The following PDGFRL variants were observed in gnomAD, a reference collection of about 807,000 sequenced individuals.
PDGFRL encodes the protein platelet derived growth factor receptor like, also known as platelet-derived growth factor receptor-like protein.
A neutral mutation model predicts 37.2 loss-of-function variants in PDGFRL; 46 were observed. The ratio of observed to expected loss-of-function variants is 1.24; its 90% CI spans 0.98 to 1.58. The LOEUF (loss-of-function observed/expected upper bound fraction) is 1.58. PDGFRL is among the 40% of genes most tolerant of loss of function. PDGFRL has a pLI of 0.00. For synonymous variants in PDGFRL, 251 were observed against 184.3 expected (o/e 1.36, Z -2.93); for missense variants, 692 against 467.6 (o/e 1.48, Z -4.43).
At chr8:17,584,965 A>C (rs188650978) in intron 1 of PDGFRL, among the ~76,000 whole-genome samples, 1 of 152,162 alleles carries the variant, frequency 6.6e-6, no homozygotes, top group Admixed American at 6.5e-5. Context: ...TATATGCTAA[A>C]CAAGGGGTGG....
chr8:17,579,226 A>T (rs1211435934), intron 1 of PDGFRL, among the ~76,000 whole-genome samples: 1 of 151,964 alleles, frequency 6.6e-6, no homozygotes, highest in Non-Finnish European at 1.5e-5. Context: ...AAAAGCACAC[A>T]TATCTATAAT....
chr8:17,641,896 T>TCCCCGCTCCCC (rs1554556546), intron 5 of PDGFRL, among the ~76,000 whole-genome samples: 1 of 103,888 alleles, frequency 9.6e-6, no homozygotes, highest in Non-Finnish European at 1.8e-5. Flanking sequence ...TCAATAGAGG[T>TCCCCGCTCCCC]CCCCGCCACA....
chr8:17,580,901 C>G (rs186545004), intron 1 of PDGFRL, among the ~76,000 whole-genome samples: 1 of 151,998 alleles, frequency 6.6e-6, no homozygotes, highest in Admixed American at 6.6e-5. Context: ...CAATCTCTGC[C>G]TCTGTTGCCA....
intron 2 of PDGFRL, among the ~76,000 whole-genome samples, chr8:17,603,602 TGAC>T (rs1191456849): frequency 3.3e-5 from 5 of 152,192 alleles, no homozygotes; most frequent in African/African-American, 1.2e-4. Flanking sequence ...CTCTGTTTCT[TGAC>T]TCCTCTGCCC....
chr8:17,606,886 G>GTTTTTTGT (rs1804290094), intron 2 of PDGFRL, among the ~76,000 whole-genome samples: 3 of 138,262 alleles, frequency 2.2e-5, no homozygotes, highest in African/African-American at 8.4e-5. Context: ...TTCGTTTTTT[G>GTTTTTTGT]TTTTTTTGTT....
chr8:17,577,773 C>G (rs1012525188), intron 1 of PDGFRL, among the ~76,000 whole-genome samples: 1 of 151,608 alleles, frequency 6.6e-6, no homozygotes, highest in Non-Finnish European at 1.5e-5. Flanking sequence ...TCCCCCTCCC[C>G]TCGCAGTTCT....
chr8:17,638,151 C>G (rs913633819), intron 5 of PDGFRL, among the ~76,000 whole-genome samples: 2 of 152,032 alleles, frequency 1.3e-5, no homozygotes, highest in Non-Finnish European at 2.9e-5. Flanking sequence ...TCTATTTGTG[C>G]TCTTTCAGAC....
At chr8:17,612,093 G>A (rs1804429257) in intron 2 of PDGFRL, among the ~76,000 whole-genome samples, 1 of 152,164 alleles carries the variant, frequency 6.6e-6, no homozygotes, top group Non-Finnish European at 1.5e-5. Flanking sequence ...TTATACTCCA[G>A]TTGGCAGTGT....
intron 5 of PDGFRL, among the ~76,000 whole-genome samples, chr8:17,639,564 A>C (rs1247312508): frequency 6.6e-6 from 1 of 152,076 alleles, no homozygotes; most frequent in Admixed American, 6.6e-5. Flanking sequence ...CAAAATTCTT[A>C]GATGATGATT....
At chr8:17,582,975 G>A (rs1186102532) in intron 1 of PDGFRL, among the ~76,000 whole-genome samples, 1 of 152,142 alleles carries the variant, frequency 6.6e-6, no homozygotes, top group Non-Finnish European at 1.5e-5. Flanking sequence ...CACTTAAAAG[G>A]TCCCAGGTGT....
intron 5 of PDGFRL, among the ~76,000 whole-genome samples, chr8:17,639,062 C>A (rs529346462): frequency 5.7e-4 from 87 of 151,746 alleles, no homozygotes; most frequent in African/African-American, 2.1e-3. Context: ...CAAAACAAAA[C>A]AAACAAAAAG....
At chr8:17,598,849 G>A (rs1346438422) in intron 2 of PDGFRL, among the ~76,000 whole-genome samples, 1 of 151,986 alleles carries the variant, frequency 6.6e-6, no homozygotes. Context: ...GTTTTCTAAG[G>A]GGAAACCCAT....
At position 17,621,111 on chromosome 8, in the gene PDGFRL, A is replaced by T; in HGVS notation, c.414A>T (p.Thr138=). The T allele has an allele frequency of 6.2e-7, 1 of 1,612,354 alleles. No homozygotes were observed. The highest frequency in any genetic ancestry group is 8.5e-7 in the Non-Finnish European group (1 of 1,178,796). The change falls in exon 3 of 6, where the codon ACA becomes ACT. Residue 138 remains threonine (T), a synonymous_variant. Transcript: ENST00000251630. ...TGGTCAACTCCACCTCGGCAGACAC[A>T]GGTGAATTCAGCTGCTGGGTGCAGC... ...LTLVNSTSAD[T]GEFSCWVQLC... is the part of the protein sequence containing the mutation.
chr8:17,593,454 C>G (rs984743611), intron 2 of PDGFRL, among the ~76,000 whole-genome samples: 13 of 151,110 alleles, frequency 8.6e-5, no homozygotes, highest in African/African-American at 2.9e-4. Flanking sequence ...AAAATTTAAC[C>G]TGGCTTTGTA....
At chr8:17,578,733 C>T in intron 1 of PDGFRL, among the ~76,000 whole-genome samples, 1 of 152,164 alleles carries the variant, frequency 6.6e-6, no homozygotes, top group East Asian at 1.9e-4. Flanking sequence ...GGATCTCACC[C>T]AGCCCATGTG....
chr8:17,604,110 A>G (rs986542716), intron 2 of PDGFRL, among the ~76,000 whole-genome samples: 1 of 152,114 alleles, frequency 6.6e-6, no homozygotes, highest in Non-Finnish European at 1.5e-5. Context: ...GATGTGGAGT[A>G]ATAGGAACAC....
At chr8:17,634,280 T>A in intron 5 of PDGFRL, 67 bp downstream of exon 5, 1 of 1,344,540 alleles carries the variant, frequency 7.4e-7, no homozygotes, top group East Asian at 2.3e-5. Context: ...CCATTTTAAT[T>A]CACAGCTTCG....
At chr8:17,640,617 C>T (rs985216233) in intron 5 of PDGFRL, among the ~76,000 whole-genome samples, 9 of 152,108 alleles carry the variant, frequency 5.9e-5, no homozygotes, top group African/African-American at 1.4e-4. Context: ...TGTACAGAGT[C>T]CTTTGATGTC....
chr8:17,583,050 G>A (rs575200967), intron 1 of PDGFRL, among the ~76,000 whole-genome samples: 5 of 152,244 alleles, frequency 3.3e-5, no homozygotes, highest in East Asian at 1.9e-4. Context: ...TGCTCCAGAG[G>A]GCACAAGTTA....
Sources: gnomAD v4.1 joint callset for allele counts (sites outside exome capture counted in the v4.1 genomes callset) on GRCh38, gnomAD v4.1.1 for gene constraint, MANE v1.5 for transcripts, NCBI Gene and HGNC (gene_info 2026-07-23, HGNC 2026-07-21) for gene names.